ASNS: variants seen among roughly 807,000 people sequenced by gnomAD.
The protein encoded by ASNS is asparagine synthetase [glutamine-hydrolyzing].
ASNS carries 37 observed loss-of-function variants against 62.6 expected under a neutral mutation model. The observed-to-expected ratio is 0.59, with a 90% CI of 0.45 to 0.78. ASNS has a LOEUF of 0.78. ASNS is among the 30% of genes least tolerant of loss of function. The pLI is 0.00. For synonymous variants in ASNS, 207 were observed against 237.9 expected, an observed-to-expected ratio of 0.87 and a Z score of 1.19; for missense variants, 520 against 682.4, an observed-to-expected ratio of 0.76 and a Z score of 2.65.
the ASNS span, among the ~76,000 whole-genome samples, chr7:97,899,841 T>C: frequency 6.6e-6 from 1 of 152,218 alleles, no homozygotes; most frequent in African/African-American, 2.4e-5. Context: ...AACTCTCTCT[T>C]TGGGTTATTA....
chr7:97,894,465 A>C, the ASNS span, among the ~76,000 whole-genome samples: 9 of 120,080 alleles, frequency 7.5e-5, no homozygotes, highest in Admixed American at 7.6e-4. Context: ...TTGATAAACC[A>C]CTAGTGAGGC....
chr7:97,869,400 G>A (rs1792144427), intron 2 of ASNS, among the ~76,000 whole-genome samples: 2 of 152,108 alleles, frequency 1.3e-5, no homozygotes, highest in African/African-American at 4.8e-5. Flanking sequence ...CATTCAACCG[G>A]CTACAGCAGC....
At chr7:97,920,755 T>C in the ASNS span, among the ~76,000 whole-genome samples, 1 of 152,256 alleles carries the variant, frequency 6.6e-6, no homozygotes, top group African/African-American at 2.4e-5. Context: ...AAATGCACCA[T>C]CTGGTTATTA....
the ASNS span, among the ~76,000 whole-genome samples, chr7:97,916,436 G>A: frequency 6.6e-6 from 1 of 152,106 alleles, no homozygotes; most frequent in African/African-American, 2.4e-5. Flanking sequence ...GGGGAGAAAA[G>A]GTTTTCTTCC....
At chr7:97,917,405 T>C in the ASNS span, among the ~76,000 whole-genome samples, 1 of 152,080 alleles carries the variant, frequency 6.6e-6, no homozygotes, top group Non-Finnish European at 1.5e-5. Context: ...TGATGAGGGT[T>C]CCCACACTTG....
chr7:97,863,544 G>A (rs1209976447), intron 4 of ASNS: 1 of 152,448 alleles, frequency 6.6e-6, no homozygotes, highest in Non-Finnish European at 1.5e-5. Flanking sequence ...TGTGGTGCAT[G>A]CCTATACTCC....
At chr7:97,912,619 G>C in the ASNS span, among the ~76,000 whole-genome samples, 1 of 123,396 alleles carries the variant, frequency 8.1e-6, no homozygotes, top group Non-Finnish European at 1.6e-5. Context: ...GCCTCGCTCT[G>C]TCGCCCAGGC....
upstream of ASNS, among the ~76,000 whole-genome samples, chr7:97,873,501 T>C (rs1459556898): frequency 2.6e-5 from 4 of 152,212 alleles, no homozygotes; most frequent in African/African-American, 9.6e-5. Flanking sequence ...AGATGAGAGA[T>C]GACTTGTTCT....
chr7:97,903,967 G>A, the ASNS span, among the ~76,000 whole-genome samples: 4 of 152,074 alleles, frequency 2.6e-5, no homozygotes, highest in Non-Finnish European at 4.4e-5. Context: ...GTAAAAGGGG[G>A]GTTCTGCCAC....
At chr7:97,900,360 C>CAAAAAAA in the ASNS span, among the ~76,000 whole-genome samples, 3 of 89,368 alleles carry the variant, frequency 3.4e-5, no homozygotes, top group African/African-American at 1.1e-4. Flanking sequence ...GACTTTGTCT[C>CAAAAAAA]AAAAAAAAAA....
rs1584471103 is a variant in ASNS, at chr7:97,864,273, C to T, written c.473G>A (p.Cys158Tyr). 6.2e-7 allele frequency: 1 copy of T among 1,613,078 alleles called. No individual in the cohort carries two copies. The highest frequency in any genetic ancestry group is 1.7e-5 in the Admixed American group (1 of 59,968). ...TTTATTATTACCTTTAGCTTCTGAA[C>T]ATACAGCCAAAAATCCATCTTCTGT... ...AMTEDGFLAVCSEAKGLVTLK... is the reference protein window; with the variant it reads ...AMTEDGFLAVYSEAKGLVTLK... Residue 158 changes from cysteine (C) to tyrosine (Y), a missense_variant, in exon 4 of 13, where the codon TGT becomes TAT. Coordinates refer to ENST00000394308, the MANE Select transcript of ASNS (RefSeq NM_001673.5).
the ASNS span, among the ~76,000 whole-genome samples, chr7:97,894,211 A>C: frequency 2.6e-5 from 4 of 152,120 alleles, no homozygotes; most frequent in African/African-American, 9.7e-5. Context: ...TATGGGATAC[A>C]ACAAAAGCAG....
At chr7:97,908,677 C>T in the ASNS span, 1 of 152,192 alleles carries the variant, frequency 6.6e-6, no homozygotes, top group Non-Finnish European at 1.5e-5. Context: ...GCTAAGATTA[C>T]AGGCATGAGT....
chr7:97,910,283 G>T, the ASNS span, among the ~76,000 whole-genome samples: 1 of 152,122 alleles, frequency 6.6e-6, no homozygotes, highest in Non-Finnish European at 1.5e-5. Flanking sequence ...ACACACACAT[G>T]ATTCTGATGT....
upstream of ASNS, among the ~76,000 whole-genome samples, chr7:97,874,621 C>T (rs974425892): frequency 2.0e-5 from 3 of 152,042 alleles, no homozygotes; most frequent in African/African-American, 7.3e-5. Context: ...TCTTCATAAT[C>T]CACGTTCTTC....
intron 9 of ASNS, 23 bp downstream of exon 9, chr7:97,855,330 T>C: frequency 1.3e-6 from 2 of 1,486,690 alleles, no homozygotes; most frequent in Non-Finnish European, 1.9e-6. Flanking sequence ...AGCATGAATA[T>C]CCCTCCACTT....
chr7:97,883,773 G>A, the ASNS span, among the ~76,000 whole-genome samples: 693 of 151,468 alleles, frequency 4.6e-3, 1 homozygote, highest in Non-Finnish European at 7.0e-3. Context: ...GGATCATGAC[G>A]TTAGGAGATC....
chr7:97,863,327 A>T (rs1196531179), intron 4 of ASNS: 3 of 152,254 alleles, frequency 2.0e-5, no homozygotes, highest in Non-Finnish European at 4.4e-5. Context: ...ATGCTACGGC[A>T]TAGACAAATC....
At chr7:97,921,769 C>T in the ASNS span, among the ~76,000 whole-genome samples, 1 of 152,154 alleles carries the variant, frequency 6.6e-6, no homozygotes, top group Non-Finnish European at 1.5e-5. Flanking sequence ...CTTTGGAGTC[C>T]CACAAACCAC....
Sources: gnomAD v4.1 joint callset for allele counts (sites outside exome capture counted in the v4.1 genomes callset) on GRCh38, gnomAD v4.1.1 for gene constraint, MANE v1.5 for transcripts, NCBI Gene and HGNC (gene_info 2026-07-23, HGNC 2026-07-21) for gene names.